Variants in LRP1B observed in about 807,000 individuals in gnomAD.
LRP1B encodes the protein low-density lipoprotein receptor-related protein 1B.
In LRP1B, 217 loss-of-function variants were observed where a neutral mutation model predicts 556.6. The observed-to-expected ratio is 0.39, with a 90% CI of 0.35 to 0.44. The LOEUF is 0.44. Ranked by LOEUF, LRP1B falls within the 20% of genes least tolerant of loss-of-function variation. The probability of loss-of-function intolerance (pLI) is 1.00; values close to 1 mark genes in which losing one functional copy is unlikely to be tolerated. For missense variants in LRP1B, 5,053 were observed against 5,620.8 expected (o/e 0.90, Z 3.23); for synonymous variants, 2,047 against 1,865.8 (o/e 1.10, Z -2.50).
chr2:141,818,397 A>C (rs1485490293), intron 1 of LRP1B, among the ~76,000 whole-genome samples: 1 of 152,198 alleles, frequency 6.6e-6, no homozygotes, highest in East Asian at 1.9e-4. Context: ...AATTCCATTT[A>C]AATTGTTTTT....
chr2:140,392,710 T>A lies in LRP1B; in HGVS notation c.10415-6701A>T, dbSNP rs13413485. Among the ~76,000 whole-genome samples, 400 of 152,204 alleles carry A rather than the reference T, an allele frequency of 2.6e-3. 1 individual carries two copies. The highest frequency in any genetic ancestry group is 9.3e-3 in the African/African-American group (386 of 41,564). On this transcript the variant is annotated intron_variant, in intron 66 of 90. Transcript: ENST00000389484. The stretch of plus-strand genomic sequence containing the variant: ...TCCTATATAGCCTAACTATAATACA[T>A]GTGATTCAGAATATAGGATATAAAT...
At chr2:141,374,249 G>C (rs114490317) in intron 3 of LRP1B, among the ~76,000 whole-genome samples, 3,382 of 152,136 alleles carry the variant, frequency 0.022, 124 homozygotes, top group African/African-American at 0.075. Flanking sequence ...TTTACTGTTA[G>C]TCTAATGGGA....
intron 3 of LRP1B, among the ~76,000 whole-genome samples, chr2:141,304,330 T>G (rs1686503950): frequency 6.6e-6 from 1 of 152,114 alleles, no homozygotes; most frequent in Admixed American, 6.5e-5. Context: ...AGTCATAAAA[T>G]ATTTGCCTAG....
intron 2 of LRP1B, among the ~76,000 whole-genome samples, chr2:141,652,339 A>G (rs1444839563): frequency 6.6e-6 from 1 of 152,238 alleles, no homozygotes; most frequent in Non-Finnish European, 1.5e-5. Flanking sequence ...AGATAATTTT[A>G]TGATGGAGCT....
intron 2 of LRP1B, among the ~76,000 whole-genome samples, chr2:141,581,577 CA>C (rs1464634339): frequency 1.3e-5 from 2 of 152,216 alleles, no homozygotes; most frequent in Admixed American, 1.3e-4. Context: ...TTCCCTAAAA[CA>C]TGAATATTTC....
At chr2:140,630,659 G>A (rs1683846013) in intron 41 of LRP1B, among the ~76,000 whole-genome samples, 2 of 152,056 alleles carry the variant, frequency 1.3e-5, no homozygotes, top group South Asian at 4.1e-4. Context: ...TTCTCACAGT[G>A]AAGAATTAAG....
chr2:141,854,788 A>G (rs1289180555), intron 1 of LRP1B, among the ~76,000 whole-genome samples: 1 of 152,066 alleles, frequency 6.6e-6, no homozygotes, highest in Admixed American at 6.6e-5. Flanking sequence ...ATTTTCTTCT[A>G]TAGAACAGTT....
At chr2:140,661,147 T>A (rs892792232) in intron 41 of LRP1B, among the ~76,000 whole-genome samples, 2 of 152,152 alleles carry the variant, frequency 1.3e-5, no homozygotes, top group Admixed American at 6.5e-5. Context: ...AATAGTAAGT[T>A]ACCTACTCCA....
At position 141,540,298 on chromosome 2, in the gene LRP1B, C is replaced by CA. The variant is rs67116306; in HGVS notation, c.206-59766dup. Among the ~76,000 whole-genome samples the CA allele has an allele frequency of 2.2e-3, 325 of 146,078 alleles. 1 individual carries two copies. The highest frequency in any genetic ancestry group is 5.8e-3 in the African/African-American group (232 of 39,894). On this transcript the variant is annotated intron_variant, in intron 2 of 90. Transcript: ENST00000389484. ...TATGCAAGTCATTTTTGTTAAAAAA[C>CA]AAAAAAAAAAGCATAAAAACATCAC...
intron 43 of LRP1B, among the ~76,000 whole-genome samples, chr2:140,564,638 A>T (rs1681059846): frequency 1.3e-5 from 2 of 152,156 alleles, no homozygotes; most frequent in South Asian, 4.1e-4. Flanking sequence ...TAACCTTGAC[A>T]GCATAAAAAT....
intron 2 of LRP1B, among the ~76,000 whole-genome samples, chr2:141,647,948 T>C (rs1341651012): frequency 6.6e-6 from 1 of 152,064 alleles, no homozygotes; most frequent in Non-Finnish European, 1.5e-5. Context: ...AATTTTTTAA[T>C]CTACATAAAA....
At chr2:141,917,460 C>T (rs1485957095) in intron 1 of LRP1B, among the ~76,000 whole-genome samples, 1 of 152,124 alleles carries the variant, frequency 6.6e-6, no homozygotes, top group East Asian at 1.9e-4. Context: ...AAAATTTGGA[C>T]ATTAGTTTTT....
chr2:140,821,436 T>C (rs976950115), intron 31 of LRP1B, among the ~76,000 whole-genome samples: 33 of 152,206 alleles, frequency 2.2e-4, no homozygotes, highest in African/African-American at 8.0e-4. Context: ...AAATGGAATG[T>C]GCTTCCTACA....
chr2:140,938,195 T>C (rs1346719385), intron 20 of LRP1B, among the ~76,000 whole-genome samples: 6 of 149,028 alleles, frequency 4.0e-5, no homozygotes, highest in Non-Finnish European at 7.4e-5. Context: ...TTAATTTTCT[T>C]CCAGCTTCCT....
intron 23 of LRP1B, among the ~76,000 whole-genome samples, chr2:140,891,129 A>C (rs545881251): frequency 9.2e-5 from 14 of 152,268 alleles, no homozygotes; most frequent in African/African-American, 3.4e-4. Context: ...AGATATGTAC[A>C]AAATAAAGGA....
intron 2 of LRP1B, among the ~76,000 whole-genome samples, chr2:141,649,558 T>C (rs1165708932): frequency 1.3e-5 from 2 of 152,224 alleles, no homozygotes; most frequent in Admixed American, 6.6e-5. Context: ...GTTGTATTGA[T>C]GTCTCTTTAC....
At chr2:141,766,292 A>G (rs1165479566) in intron 2 of LRP1B, among the ~76,000 whole-genome samples, 1 of 152,218 alleles carries the variant, frequency 6.6e-6, no homozygotes, top group Non-Finnish European at 1.5e-5. Context: ...TTCAATGGAT[A>G]GGATACAAAA....
intron 41 of LRP1B, among the ~76,000 whole-genome samples, chr2:140,632,748 C>T (rs1398052392): frequency 6.6e-6 from 1 of 152,000 alleles, no homozygotes; most frequent in Non-Finnish European, 1.5e-5. Context: ...AAACAAGACC[C>T]AATTATATGT....
chr2:141,307,036 G>C (rs1362618530), intron 3 of LRP1B, among the ~76,000 whole-genome samples: 3 of 152,094 alleles, frequency 2.0e-5, no homozygotes, highest in African/African-American at 7.2e-5. Flanking sequence ...TGGTCTATCT[G>C]GAGAATGTTC....
Sources: allele counts gnomAD v4.1 joint callset (sites outside exome capture counted in the v4.1 genomes callset), GRCh38; gene constraint gnomAD v4.1.1; transcripts MANE v1.5; gene names NCBI Gene and HGNC (gene_info 2026-07-23, HGNC 2026-07-21).